RAB5A: variants seen among roughly 807,000 people sequenced by gnomAD.
RAB5A encodes the protein RAB5A, member RAS oncogene family, also known as ras-related protein Rab-5A.
Under a neutral mutation model 25.7 loss-of-function variants are expected in RAB5A, and 8 were observed. The ratio of observed to expected loss-of-function variants is 0.31; its 90% CI spans 0.18 to 0.56. The LOEUF is 0.56. RAB5A is among the 20% of genes least tolerant of loss of function. The pLI is 0.91. For missense variants in RAB5A, 192 were observed against 259.7 expected (o/e 0.74, Z 1.79); for synonymous variants, 98 against 89.8 (o/e 1.09, Z -0.52).
At position 19,975,991 on chromosome 3, in the gene RAB5A, A is replaced by G. The variant is rs1696818973; in HGVS notation, c.316-56A>G. 2.5e-6 allele frequency: 4 copies of G among 1,576,122 alleles called. No homozygotes were observed. In the Admixed American group the frequency reaches 5.9e-5, roughly 23 times the overall value. Reference sequence around the variant, plus strand: ...TCTTTTAAAGCCTTGTATCACAAAGATGCTTGGTAACCATTTTTTGAGCCT... The same window carrying G: ...TCTTTTAAAGCCTTGTATCACAAAGGTGCTTGGTAACCATTTTTTGAGCCT... On this transcript the variant is annotated intron_variant, in intron 3 of 5. Coordinates refer to ENST00000273047, the MANE Select transcript of RAB5A (RefSeq NM_004162.5).
At chr3:19,970,876 C>T (rs867754271) in intron 2 of RAB5A, among the ~76,000 whole-genome samples, 4 of 152,182 alleles carry the variant, frequency 2.6e-5, no homozygotes, top group Middle Eastern at 3.4e-3. Flanking sequence ...TACACTTCAC[C>T]GAGTTTTATA....
At chr3:19,956,946 CTTTTTT>C (rs748433119) in intron 2 of RAB5A, among the ~76,000 whole-genome samples, 1 of 135,224 alleles carries the variant, frequency 7.4e-6, no homozygotes, top group Non-Finnish European at 1.6e-5. Flanking sequence ...GTTTTTTTTC[CTTTTTT>C]TTTTTTTTTT....
At chr3:19,982,921 T>G (rs1042412895) in intron 5 of RAB5A, among the ~76,000 whole-genome samples, 2 of 152,168 alleles carry the variant, frequency 1.3e-5, no homozygotes, top group Non-Finnish European at 1.5e-5. Context: ...GCAAAGGTAT[T>G]TGTATCCTGA....
intron 1 of RAB5A, among the ~76,000 whole-genome samples, chr3:19,948,023 C>T (rs1346108100): frequency 6.6e-6 from 1 of 152,118 alleles, no homozygotes; most frequent in African/African-American, 2.4e-5. Context: ...CTTCAACTTC[C>T]AAAGATGAGT....
chr3:19,959,090 C>T (rs114107637), intron 2 of RAB5A, among the ~76,000 whole-genome samples: 96 of 152,190 alleles, frequency 6.3e-4, no homozygotes, highest in African/African-American at 2.1e-3. Context: ...TTTGCCTTGC[C>T]GTGCTTAATG....
At chr3:19,951,701 G>GTTTTTTTTTTTT (rs61250458) in intron 2 of RAB5A, among the ~76,000 whole-genome samples, 1,244 of 98,878 alleles carry the variant, frequency 0.013, 105 homozygotes, top group African/African-American at 0.028. Flanking sequence ...TGCCAGGCAA[G>GTTTTTTTTTTTT]TTTTTTTTTT....
At chr3:19,959,558 A>C (rs1696554666) in intron 2 of RAB5A, among the ~76,000 whole-genome samples, 1 of 151,520 alleles carries the variant, frequency 6.6e-6, no homozygotes, top group Non-Finnish European at 1.5e-5. Context: ...CCTTTAGTGC[A>C]TGGACTTTGT....
intron 1 of RAB5A, among the ~76,000 whole-genome samples, chr3:19,950,200 G>C (rs961859017): frequency 6.6e-6 from 1 of 152,168 alleles, no homozygotes; most frequent in Admixed American, 6.5e-5. Context: ...ACAGTTTTAA[G>C]TCTGCCGTTA....
At chr3:19,948,832 T>C (rs2125176450) in intron 1 of RAB5A, among the ~76,000 whole-genome samples, 1 of 152,326 alleles carries the variant, frequency 6.6e-6, no homozygotes, top group South Asian at 2.1e-4. Flanking sequence ...GATAAGTAAT[T>C]TCTTGTTTTC....
chr3:19,955,305 C>T (rs1163563373), intron 2 of RAB5A, among the ~76,000 whole-genome samples: 1 of 152,154 alleles, frequency 6.6e-6, no homozygotes, highest in Non-Finnish European at 1.5e-5. Context: ...ATGAAAATAA[C>T]ATTCCTCTTG....
intron 2 of RAB5A, among the ~76,000 whole-genome samples, chr3:19,953,997 A>C (rs541133742): frequency 2.0e-5 from 3 of 151,798 alleles, no homozygotes; most frequent in Admixed American, 1.3e-4. Flanking sequence ...AAGCCAACCA[A>C]CTCTTTTGCA....
intron 5 of RAB5A, among the ~76,000 whole-genome samples, chr3:19,981,310 A>T (rs759510072): frequency 2.0e-4 from 30 of 152,300 alleles, no homozygotes; most frequent in Non-Finnish European, 4.3e-4. Flanking sequence ...ATCATAAATT[A>T]AAAATATCAT....
intron 2 of RAB5A, among the ~76,000 whole-genome samples, chr3:19,953,954 G>A (rs62241284): frequency 0.15 from 23,297 of 152,158 alleles, 2,003 homozygotes; most frequent in Non-Finnish European, 0.2. Flanking sequence ...TTTTTGTTTT[G>A]ACTGTCATGT....
chr3:19,956,014 C>T (rs533564946), intron 2 of RAB5A, among the ~76,000 whole-genome samples: 1 of 152,168 alleles, frequency 6.6e-6, no homozygotes. Flanking sequence ...TAGCCACCTG[C>T]CAGACATCTT....
At chr3:19,972,718 A>G (rs1687357278) in intron 2 of RAB5A, among the ~76,000 whole-genome samples, 1 of 152,160 alleles carries the variant, frequency 6.6e-6, no homozygotes, top group African/African-American at 2.4e-5. Context: ...ATAGTTTTGT[A>G]TTTCTGAAAG....
At chr3:19,952,736 T>C (rs1053770144) in intron 2 of RAB5A, among the ~76,000 whole-genome samples, 29 of 151,426 alleles carry the variant, frequency 1.9e-4, no homozygotes, top group African/African-American at 7.0e-4. Flanking sequence ...CACAATATAT[T>C]AGACATCTTT....
chr3:19,982,743 C>T (rs1445938343), intron 5 of RAB5A, among the ~76,000 whole-genome samples: 1 of 145,092 alleles, frequency 6.9e-6, no homozygotes, highest in Admixed American at 6.9e-5. Context: ...TCCTGGGTGA[C>T]AGAGTGAGAC....
chr3:19,950,728 A>G, intron 1 of RAB5A, 78 bp from the exon 2 acceptor site: 1 of 582,798 alleles, frequency 1.7e-6, no homozygotes, highest in East Asian at 2.8e-5. Context: ...TAATCATGCT[A>G]TAGGCAATAT....
intron 1 of RAB5A, among the ~76,000 whole-genome samples, chr3:19,949,099 G>A (rs1696382762): frequency 6.6e-6 from 1 of 152,142 alleles, no homozygotes; most frequent in Admixed American, 6.5e-5. Flanking sequence ...TTGCCCAGAC[G>A]GAAATTGGTA....
Sources: allele counts gnomAD v4.1 joint callset (sites outside exome capture counted in the v4.1 genomes callset), GRCh38; gene constraint gnomAD v4.1.1; transcripts MANE v1.5; gene names NCBI Gene and HGNC (gene_info 2026-07-23, HGNC 2026-07-21).